Variants in FANCD2 observed in about 807,000 individuals in gnomAD.
FANCD2 encodes Fanconi anemia group D2 protein.
Under a neutral mutation model 192.3 loss-of-function variants are expected in FANCD2, and 131 were observed. The ratio of observed to expected loss-of-function variants is 0.68; its 90% CI spans 0.59 to 0.79. The LOEUF is 0.79. Ranked by LOEUF, FANCD2 falls within the 30% of genes least tolerant of loss-of-function variation. The pLI is 0.00. For missense variants in FANCD2, 1,508 were observed against 1,701.6 expected (o/e 0.89, Z 2.00); for synonymous variants, 524 against 612.5 (o/e 0.86, Z 2.13).
At position 10,101,373 on chromosome 3, in the gene FANCD2, T is replaced by G; in HGVS notation, c.*111T>G. On this transcript the variant is annotated 3_prime_UTR_variant, in exon 44 of 44. Transcript: ENST00000675286. ...TCTTACTGGTAGGATCCTTTTTTGT[T>G]CCTCTTTTTTTTTTTTTTTTTTTTT... 1.5e-6 allele frequency: 1 copy of G among 665,256 alleles called. No homozygotes were observed. Among genetic ancestry groups the G allele is most frequent in the Non-Finnish European group, 2.6e-6 (1 of 385,852 alleles). The allele number at this position is 665,256 out of a possible 1,614,324, so 41.2% of individuals were successfully genotyped here.
Position 10,042,917 on chromosome 3 carries a change from A to G in FANCD2, c.889-133A>G, listed in dbSNP as rs544322710. 9.7e-5 allele frequency: 84 copies of G among 868,872 alleles called. 1 individual carries two copies. Among genetic ancestry groups the G allele is most frequent in the South Asian group, 7.0e-4 (48 of 68,844 alleles). The allele number at this position is 868,872 out of a possible 1,614,324, so 53.8% of individuals were successfully genotyped here. ...TTGCATTGGCTATTCTCATAACTCT[A>G]TTTTTCAAAATGTCCAACATTTAAA... On this transcript the variant is annotated intron_variant, in intron 11 of 43. Transcript: ENST00000675286.
chr3:10,079,134 C>T (rs1213839333), intron 30 of FANCD2, among the ~76,000 whole-genome samples: 1 of 151,806 alleles, frequency 6.6e-6, no homozygotes, highest in Non-Finnish European at 1.5e-5. Flanking sequence ...GTCCCAGGTA[C>T]TTGGGAGGCT....
In FANCD2 at chr3:10,064,037, A is replaced by G; in HGVS notation, c.1947+126A>G. On this transcript the variant is annotated intron_variant, in intron 21 of 43. Coordinates refer to ENST00000675286, the MANE Select transcript of FANCD2 (RefSeq NM_001018115.3). ...ACCTCTCCTAAATTCTAACTGGGAAAGGCTTTTCTGCCCTACCCTGTCTCA... is the reference window on the plus strand; with the variant it reads ...ACCTCTCCTAAATTCTAACTGGGAAGGGCTTTTCTGCCCTACCCTGTCTCA... 2.9e-6 allele frequency: 4 copies of G among 1,378,736 alleles called. No individual in the cohort carries two copies. In the South Asian group the frequency reaches 3.8e-5, roughly 13 times the overall value. The allele number at this position is 1,378,736 out of a possible 1,614,324, so 85.4% of individuals were successfully genotyped here.
At chr3:10,053,661 G>A (rs565753068) in intron 18 of FANCD2, among the ~76,000 whole-genome samples, 1 of 150,446 alleles carries the variant, frequency 6.6e-6, no homozygotes, top group Non-Finnish European at 1.5e-5. Flanking sequence ...TTCCTAGTGT[G>A]TAGTAGTGGA....
chr3:10,100,318 T>C (rs1324466884), intron 43 of FANCD2, among the ~76,000 whole-genome samples: 2 of 152,264 alleles, frequency 1.3e-5, no homozygotes, highest in Non-Finnish European at 2.9e-5. Flanking sequence ...CTCATACTAG[T>C]ATCGTAAGCC....
chr3:10,044,875 A>G (rs1042873243), intron 14 of FANCD2, among the ~76,000 whole-genome samples: 8 of 152,184 alleles, frequency 5.3e-5, no homozygotes, highest in African/African-American at 1.9e-4. Context: ...TAATCATTGT[A>G]TAAATATAAT....
chr3:10,088,668 G>C (rs1306609174), intron 35 of FANCD2, 126 bp downstream of exon 35: 3 of 1,090,142 alleles, frequency 2.8e-6, no homozygotes, highest in Non-Finnish European at 4.2e-6. Flanking sequence ...GGTTAAAAAT[G>C]AACACAATTT....
chr3:10,049,337 T>C, intron 16 of FANCD2, 37 bp from the exon 17 acceptor site: 1 of 1,557,856 alleles, frequency 6.4e-7, no homozygotes, highest in Non-Finnish European at 8.8e-7. Flanking sequence ...CATCCATATT[T>C]TGTTTTACAC....
At position 10,081,448 on chromosome 3, in the gene FANCD2, C is replaced by T. The variant is rs201184977; in HGVS notation, c.3208C>T (p.His1070Tyr). The change falls in exon 32 of 44, where the codon CAT becomes TAT. Residue 1070 changes from histidine to tyrosine, a missense_variant. Transcript: ENST00000675286. ...CTATCAGAGGCTGCTGCAGATTTTT[C>T]ATGGGCTTTTTGCTTGGTAAGTATG... The part of the protein sequence containing the change: ...SCYQRLLQIF[H>Y]GLFAWSGFSQ... The T allele has an allele frequency of 1.4e-5, 23 of 1,612,860 alleles. No homozygotes were observed. Among genetic ancestry groups the T allele is most frequent in the Non-Finnish European group, 2.0e-5 (23 of 1,178,952 alleles).
rs540790870 is a variant in FANCD2 at position 10,054,208 on chromosome 3, T to C, written c.1656+1711T>C. On this transcript the variant is annotated intron_variant, in intron 18 of 43. Transcript: ENST00000675286. Reference sequence around the variant, plus strand: ...GCCAGGGCAACAGAGTGAGACTCTATCTCAAAATAAATAAATAAATAAATA... The same window carrying C: ...GCCAGGGCAACAGAGTGAGACTCTACCTCAAAATAAATAAATAAATAAATA... 3.0e-4 allele frequency among the ~76,000 whole-genome samples: 46 copies of C among 151,178 alleles called. No homozygotes were observed. The East Asian group carries it at 8.7e-3, about 29-fold the overall frequency.
intron 18 of FANCD2, among the ~76,000 whole-genome samples, chr3:10,053,089 T>A: frequency 1.4e-5 from 2 of 147,518 alleles, no homozygotes; most frequent in Admixed American, 6.9e-5. Context: ...ATATGTTTAT[T>A]GCGGCACTAT....
At chr3:10,035,505 A>G (rs1260789320) in intron 6 of FANCD2, among the ~76,000 whole-genome samples, 1 of 152,198 alleles carries the variant, frequency 6.6e-6, no homozygotes, top group Non-Finnish European at 1.5e-5. Context: ...ATCTCTGAGT[A>G]TCTGGTAATC....
intron 30 of FANCD2, among the ~76,000 whole-genome samples, chr3:10,078,721 T>C (rs528315581): frequency 1.1e-4 from 16 of 151,474 alleles, no homozygotes; most frequent in Admixed American, 3.9e-4. Flanking sequence ...GCCAGCACTT[T>C]GGGAGGCCAA....
intron 17 of FANCD2, among the ~76,000 whole-genome samples, chr3:10,050,381 T>C (rs1272404773): frequency 6.6e-6 from 1 of 152,046 alleles, no homozygotes; most frequent in Non-Finnish European, 1.5e-5. Flanking sequence ...TCCCAGCACT[T>C]TGGGAGGCCA....
chr3:10,063,957 C>G (rs1360682643), intron 21 of FANCD2, 46 bp downstream of exon 21: 1 of 1,613,946 alleles, frequency 6.2e-7, no homozygotes, highest in Non-Finnish European at 8.5e-7. Context: ...ATGAGAGCTG[C>G]TTTACTACAC....
Position 10,073,541 on chromosome 3 carries a change from A to G in FANCD2, c.2715+179A>G, listed in dbSNP as rs571387849. Among the ~76,000 whole-genome samples the G allele has an allele frequency of 3.3e-5, 5 of 152,354 alleles. 1 individual carries two copies. The highest frequency in any genetic ancestry group is 4.1e-4 in the South Asian group (2 of 4,828). ...AGTTCAGATTAGACTTCAGGTCCTT[A>G]TTCCTGCCACACACTGTTGACTGTT... On this transcript the variant is annotated intron_variant, in intron 28 of 43. Coordinates refer to ENST00000675286, the MANE Select transcript of FANCD2 (RefSeq NM_001018115.3).
chr3:10,099,383 G>A, intron 43 of FANCD2: 1 of 1,109,814 alleles, frequency 9.0e-7, no homozygotes, highest in South Asian at 2.6e-5. Context: ...AGCACTTTTT[G>A]AGGCCAAGGT....
At chr3:10,088,568 A>G in intron 35 of FANCD2, 26 bp downstream of exon 35, 1 of 1,457,766 alleles carries the variant, frequency 6.9e-7, no homozygotes, top group South Asian at 1.1e-5. Context: ...TCTTCCAATG[A>G]GCCAAATAGC....
At chr3:10,029,780 G>C (rs1442061342) in intron 2 of FANCD2, among the ~76,000 whole-genome samples, 1 of 150,394 alleles carries the variant, frequency 6.6e-6, no homozygotes, top group South Asian at 2.1e-4. Context: ...TATCATTCTT[G>C]TTGTTGTTGT....
Sources: allele counts gnomAD v4.1 joint callset (sites outside exome capture counted in the v4.1 genomes callset), GRCh38; gene constraint gnomAD v4.1.1; transcripts MANE v1.5; gene names NCBI Gene and HGNC (gene_info 2026-07-23, HGNC 2026-07-21).